CCDC158: variants seen among roughly 807,000 people sequenced by gnomAD.
CCDC158 encodes the protein coiled-coil domain containing 158.
CCDC158 carries 116 observed loss-of-function variants against 138.6 expected under a neutral mutation model. The ratio of observed to expected loss-of-function variants is 0.84; its 90% CI spans 0.72 to 0.98. The LOEUF is 0.98. CCDC158 is among the 50% of genes least tolerant of loss of function. CCDC158 has a pLI of 0.00. For missense variants in CCDC158, 1,265 were observed against 1,306.1 expected, an observed-to-expected ratio of 0.97 and a Z score of 0.48; for synonymous variants, 436 against 442.4, an observed-to-expected ratio of 0.99 and a Z score of 0.18.
At chr4:76,320,682 A>G (rs540702672) in intron 24 of CCDC158, among the ~76,000 whole-genome samples, 1 of 152,286 alleles carries the variant, frequency 6.6e-6, no homozygotes, top group Non-Finnish European at 1.5e-5. Flanking sequence ...CAAAAACATA[A>G]AGTGGGGAAA....
intron 18 of CCDC158, among the ~76,000 whole-genome samples, chr4:76,343,406 A>G (rs1278000623): frequency 6.6e-6 from 1 of 152,210 alleles, no homozygotes; most frequent in Non-Finnish European, 1.5e-5. Context: ...TCCAAGGGTC[A>G]CCAAGCATTA....
At chr4:76,350,904 TAG>T in intron 18 of CCDC158, 90 bp downstream of exon 18, 1 of 1,249,148 alleles carries the variant, frequency 8.0e-7, no homozygotes, top group Non-Finnish European at 1.1e-6. Context: ...GCTATGGATA[TAG>T]AGATATTATT....
intron 1 of CCDC158, chr4:76,414,471 G>T (rs1729535666): frequency 6.6e-6 from 1 of 152,158 alleles, no homozygotes; most frequent in African/African-American, 2.4e-5. Flanking sequence ...TATAATTTTG[G>T]AGAGTTGTCA....
chr4:76,325,135 A>G (rs1284844193), intron 23 of CCDC158, among the ~76,000 whole-genome samples: 1 of 152,260 alleles, frequency 6.6e-6, no homozygotes, highest in African/African-American at 2.4e-5. Context: ...ACACAAGTAC[A>G]GAAAAAAAGA....
intron 20 of CCDC158, among the ~76,000 whole-genome samples, chr4:76,332,002 A>T (rs548073531): frequency 2.6e-5 from 4 of 152,102 alleles, no homozygotes; most frequent in African/African-American, 9.7e-5. Flanking sequence ...AAAATTTTTC[A>T]TTTAAGAATT....
chr4:76,409,023 G>A (rs567831364), intron 2 of CCDC158, among the ~76,000 whole-genome samples: 19 of 152,266 alleles, frequency 1.2e-4, no homozygotes, highest in African/African-American at 4.6e-4. Flanking sequence ...CCCACTTTTT[G>A]ATGGGGTTTC....
intron 1 of CCDC158, among the ~76,000 whole-genome samples, chr4:76,412,601 A>G (rs547332803): frequency 1.3e-5 from 2 of 152,238 alleles, no homozygotes; most frequent in African/African-American, 2.4e-5. Flanking sequence ...AAAATACAAA[A>G]ATTAGCTGGC....
At position 76,421,047 on chromosome 4, in the gene CCDC158, T is replaced by G. The variant is rs945916493; in HGVS notation, c.-199A>C. ...CGCAGCGGCCCCACCTACGTCGACC[T>G]GGCGGCTGGGACGGGGCGGCTCCCC... On this transcript the variant is annotated 5_prime_UTR_variant, in exon 1 of 25. Transcript: ENST00000682701. Among the ~76,000 whole-genome samples, 44 of 151,810 alleles carry G rather than the reference T, an allele frequency of 2.9e-4. No homozygotes were observed. Among genetic ancestry groups the G allele is most frequent in the African/African-American group, 1.0e-3 (42 of 41,450 alleles).
rs139676147 is a variant in CCDC158, at chr4:76,326,223, G to A, written c.3011-208C>T. On this transcript the variant is annotated intron_variant, in intron 22 of 24. Coordinates refer to ENST00000682701, the MANE Select transcript of CCDC158 (RefSeq NM_001394954.1). ...TGAACAGAAATTAGACCTGCCCTTG[G>A]GATCCTGAGGTCTAGCTTCAAATCC... 2.7e-3 allele frequency among the ~76,000 whole-genome samples: 418 copies of A among 152,170 alleles called. 2 individuals are homozygous for A. Among genetic ancestry groups the A allele is most frequent in the African/African-American group, 9.1e-3 (379 of 41,504 alleles).
In CCDC158 at chr4:76,329,120, G is replaced by C. The variant is rs115683195; in HGVS notation, c.2943-153C>G. Reference sequence around the variant, plus strand: ...ACCCTAAAGTCCTAAAATACTCTAAGAGGTAGGTTCAAAGTTGCATTATCT... The same window carrying C: ...ACCCTAAAGTCCTAAAATACTCTAACAGGTAGGTTCAAAGTTGCATTATCT... On this transcript the variant is annotated intron_variant, in intron 21 of 24. Transcript: ENST00000682701. Among the ~76,000 whole-genome samples the C allele has an allele frequency of 3.2e-3, 484 of 152,294 alleles. 1 individual carries two copies. Among genetic ancestry groups the C allele is most frequent in the African/African-American group, 0.011 (445 of 41,544 alleles).
upstream of CCDC158, chr4:76,421,795 G>A (rs62303278): frequency 0.17 from 25,631 of 151,870 alleles, 2,857 homozygotes; most frequent in Middle Eastern, 0.26. Context: ...ACGTGTTCTC[G>A]GCATAGCTGA....
intron 15 of CCDC158, among the ~76,000 whole-genome samples, chr4:76,354,233 C>CAAAAAAAAAAAAAAAA (rs749565764): frequency 4.7e-5 from 3 of 63,938 alleles, no homozygotes; most frequent in Non-Finnish European, 8.6e-5. Flanking sequence ...TTCCCAAAGG[C>CAAAAAAAAAAAAAAAA]AAAAAAAAAA....
intron 4 of CCDC158, among the ~76,000 whole-genome samples, chr4:76,390,662 A>G (rs574977543): frequency 2.5e-4 from 38 of 152,234 alleles, no homozygotes; most frequent in African/African-American, 8.7e-4. Flanking sequence ...AATGGACTAA[A>G]TTGTCTAATC....
At chr4:76,360,818 T>C (rs1324868625) in intron 13 of CCDC158, among the ~76,000 whole-genome samples, 1 of 152,186 alleles carries the variant, frequency 6.6e-6, no homozygotes, top group Non-Finnish European at 1.5e-5. Flanking sequence ...ACTTGGACTT[T>C]TGAGTTAATG....
At position 76,363,501 on chromosome 4, in the gene CCDC158, C is replaced by G. The variant is rs1724362410; in HGVS notation, c.1831-1186G>C. On this transcript the variant is annotated intron_variant, in intron 12 of 24. Transcript: ENST00000682701. Reference sequence around the variant, plus strand: ...GGGAATCATCAAACCTGGGGTCGGTCTTGGGGACCCTGCCACAGTTGGCAA... The same window carrying G: ...GGGAATCATCAAACCTGGGGTCGGTGTTGGGGACCCTGCCACAGTTGGCAA... Among the ~76,000 whole-genome samples, 10 of 152,216 alleles carry G rather than the reference C, an allele frequency of 6.6e-5. No homozygotes were observed. The South Asian group carries it at 1.9e-3, about 28-fold the overall frequency.
intron 2 of CCDC158, among the ~76,000 whole-genome samples, chr4:76,404,048 C>T (rs914128745): frequency 2.6e-5 from 4 of 152,100 alleles, no homozygotes; most frequent in Admixed American, 1.3e-4. Flanking sequence ...GAAGAAGTAG[C>T]GGCCTCAGAG....
Position 76,323,408 on chromosome 4 carries a change from A to C in CCDC158, c.3171T>G (p.Asp1057Glu), listed in dbSNP as rs771346512. The C allele has an allele frequency of 6.2e-6, 10 of 1,606,676 alleles. No individual in the cohort carries two copies. Among genetic ancestry groups the C allele is most frequent in the East Asian group, 2.2e-5 (1 of 44,752 alleles). ...TTGTTTCTATTGGCGGAGACTGTGA[A>C]TCTATTAGAAAATTGCTTAGATGTG... ...KPIHSSDSVK[D>E]SQSPPIETTG... Residue 1057 changes from aspartate (D) to glutamate (E), a missense_variant and splice_region_variant, in exon 24 of 25, where the codon GAT becomes GAG. Coordinates refer to ENST00000682701, the MANE Select transcript of CCDC158 (RefSeq NM_001394954.1).
Position 76,384,668 on chromosome 4 carries a change from G to GAA in CCDC158, c.289-5_289-4dup. 3 of 1,570,448 alleles carry GAA rather than the reference G, an allele frequency of 1.9e-6. No individual in the cohort carries two copies. The highest frequency in any genetic ancestry group is 1.7e-6 in the Non-Finnish European group (2 of 1,154,012). ...TGTTTCTCATGCAATTCATTGCTCT[G>GAA]AAAAAAAAAGCCATGCAAATTAATC... On this transcript the variant is annotated splice_region_variant and splice_polypyrimidine_tract_variant and intron_variant, in intron 4 of 24. Transcript: ENST00000682701.
upstream of CCDC158, among the ~76,000 whole-genome samples, chr4:76,421,333 GC>G (rs1405117048): frequency 3.3e-5 from 5 of 152,078 alleles, no homozygotes; most frequent in East Asian, 9.8e-4. Flanking sequence ...CGTCGCTGGG[GC>G]ATCCGAGCGT....
Sources: gnomAD v4.1 joint callset for allele counts (sites outside exome capture counted in the v4.1 genomes callset) on GRCh38, gnomAD v4.1.1 for gene constraint, MANE v1.5 for transcripts, NCBI Gene and HGNC (gene_info 2026-07-23, HGNC 2026-07-21) for gene names.